Variants in TRIM71 observed in about 807,000 individuals in gnomAD.
TRIM71 encodes the protein E3 ubiquitin-protein ligase TRIM71.
Under a neutral mutation model 61.2 loss-of-function variants are expected in TRIM71, and 9 were observed. The ratio of observed to expected loss-of-function variants is 0.15; its 90% CI spans 0.09 to 0.26. TRIM71 has a LOEUF of 0.26. Among genes scored for constraint, TRIM71 ranks in the 10% least tolerant of loss-of-function variants. TRIM71 has a pLI of 1.00. For synonymous variants in TRIM71, 645 were observed against 553.2 expected, an observed-to-expected ratio of 1.17 and a Z score of -2.33; for missense variants, 998 against 1,238.7, an observed-to-expected ratio of 0.81 and a Z score of 2.92.
intron 1 of TRIM71, among the ~76,000 whole-genome samples, chr3:32,870,460 A>G (rs988102388): frequency 1.3e-5 from 2 of 152,016 alleles, no homozygotes; most frequent in Admixed American, 6.6e-5. Flanking sequence ...TTAGAACTGC[A>G]TCGATCCTGT....
intron 2 of TRIM71, among the ~76,000 whole-genome samples, chr3:32,877,530 A>AT (rs1437514035): frequency 2.0e-5 from 3 of 151,518 alleles, no homozygotes; most frequent in Non-Finnish European, 4.4e-5. Context: ...TAATTTTTGT[A>AT]TTTTTTGTAG....
rs775881479 is a variant in TRIM71, at chr3:32,818,345, C to T, written c.265C>T (p.Leu89=). The T allele has an allele frequency of 1.4e-6, 2 of 1,453,920 alleles. No homozygotes were observed. The highest frequency in any genetic ancestry group is 1.3e-5 in the South Asian group (1 of 76,606). 90.1% of individuals were successfully genotyped at this position (1,453,920 alleles called of 1,614,324 possible). The part of the protein sequence containing the change: ...GGGAAGEPLK[L]RCPVCDQKVV... ...CGGCGCGGCGGGAGAGCCGCTCAAG[C>T]TGCGCTGCCCCGTGTGCGACCAGAA... Residue 89 remains leucine (L), a synonymous_variant, in exon 1 of 4, where the codon CTG becomes TTG. Transcript: ENST00000383763.
rs564146049 is a variant in TRIM71 at position 32,844,113 on chromosome 3, G to A, written c.852+25181G>A. On this transcript the variant is annotated intron_variant, in intron 1 of 3. Transcript: ENST00000383763. ...CTTTCTCGCGTCGTCGTTATTTTGT[G>A]TGGTTGTGTAAATCAGCCCTTCCCT... 9.7e-4 allele frequency among the ~76,000 whole-genome samples: 148 copies of A among 152,252 alleles called. 2 individuals carry two copies. The South Asian group carries it at 0.011, about 11-fold the overall frequency.
intron 1 of TRIM71, among the ~76,000 whole-genome samples, chr3:32,866,374 T>A (rs7647852): frequency 0.017 from 2,647 of 151,966 alleles, 73 homozygotes; most frequent in African/African-American, 0.06. Context: ...GCCTCCCGAG[T>A]AGCTAGGATT....
At chr3:32,825,906 C>T (rs998590009) in intron 1 of TRIM71, among the ~76,000 whole-genome samples, 9 of 152,102 alleles carry the variant, frequency 5.9e-5, no homozygotes. Context: ...TGTCTATACT[C>T]ACAAACTGAG....
At chr3:32,873,625 T>G (rs1465691993) in intron 1 of TRIM71, among the ~76,000 whole-genome samples, 193 bp from the exon 2 acceptor site, 1 of 151,860 alleles carries the variant, frequency 6.6e-6, no homozygotes, top group Admixed American at 6.6e-5. Flanking sequence ...GCAGAGAGAG[T>G]GGGAGAAAAA....
intron 1 of TRIM71, among the ~76,000 whole-genome samples, chr3:32,843,775 A>G (rs1018730266): frequency 1.3e-5 from 2 of 151,170 alleles, no homozygotes; most frequent in African/African-American, 2.4e-5. Context: ...AGCTGAGGGA[A>G]CCTCCCTGAG....
chr3:32,839,668 G>T lies in TRIM71; in HGVS notation c.852+20736G>T, dbSNP rs550032635. Reference sequence around the variant, plus strand: ...TGATTATTGAGCTTTTTTTGGGGGGGGGGTGGGGGTGGGGTCCCTTATCGC... The same window carrying T: ...TGATTATTGAGCTTTTTTTGGGGGGTGGGTGGGGGTGGGGTCCCTTATCGC... On this transcript the variant is annotated intron_variant, in intron 1 of 3. Transcript: ENST00000383763. Among the ~76,000 whole-genome samples the T allele has an allele frequency of 5.5e-3, 750 of 135,174 alleles. 5 individuals are homozygous for T. The highest frequency in any genetic ancestry group is 0.019 in the African/African-American group (711 of 37,424). 88.7% of individuals were successfully genotyped at this position (135,174 alleles called of 152,430 possible). A position where few individuals can be genotyped will look rare whatever the true frequency, so the allele number is the denominator to read the frequency against.
At chr3:32,874,324 T>TTACTACTACTAC (rs34214588) in intron 2 of TRIM71, among the ~76,000 whole-genome samples, 5 of 121,568 alleles carry the variant, frequency 4.1e-5, no homozygotes, top group African/African-American at 1.2e-4. Context: ...TTAATGCTTA[T>TTACTACTACTAC]TACTACTACT....
intron 1 of TRIM71, among the ~76,000 whole-genome samples, chr3:32,838,742 T>C (rs1489831712): frequency 2.0e-5 from 3 of 152,126 alleles, no homozygotes; most frequent in African/African-American, 4.8e-5. Context: ...ATGTGACAGA[T>C]TGGTGGTTTC....
rs1461271978 is a variant in TRIM71, at chr3:32,890,260, T to G, written c.1156-100T>G. 4 of 1,455,240 alleles carry G rather than the reference T, an allele frequency of 2.7e-6. No individual in the cohort carries two copies. The highest frequency in any genetic ancestry group is 3.7e-6 in the Non-Finnish European group (4 of 1,080,352). The allele number at this position is 1,455,240 out of a possible 1,614,324, so 90.1% of individuals were successfully genotyped here. A position where few individuals can be genotyped will look rare whatever the true frequency, so the allele number is the denominator to read the frequency against. ...TTGTAGACCATCCCACAATATGTGT[T>G]TGTCTGATGCTTCCTTGTGATTAGT... On this transcript the variant is annotated intron_variant, in intron 3 of 3. Transcript: ENST00000383763. The surrounding 1 kb of genome is among the most constrained non-coding windows in gnomAD (Gnocchi z 6.2).
intron 1 of TRIM71, among the ~76,000 whole-genome samples, chr3:32,860,595 C>T (rs1696656432): frequency 6.6e-6 from 1 of 152,196 alleles, no homozygotes; most frequent in South Asian, 2.1e-4. Flanking sequence ...ATCACCATTG[C>T]TCTCTACAGT....
rs1316479281 is a variant in TRIM71 at position 32,891,934 on chromosome 3, T to C, written c.*123T>C. 3 of 1,390,238 alleles carry C rather than the reference T, an allele frequency of 2.2e-6. No individual in the cohort carries two copies. In the Admixed American group the frequency reaches 9.2e-5, roughly 43 times the overall value. The allele number at this position is 1,390,238 out of a possible 1,614,324, so 86.1% of individuals were successfully genotyped here. A position where few individuals can be genotyped will look rare whatever the true frequency, so the allele number is the denominator to read the frequency against. The stretch of plus-strand genomic sequence containing the variant: ...AACAGTCTCAGGGAAATTTCTTTTT[T>C]CTTTTTTTTTTTTAAAGAGAACAAG... On this transcript the variant is annotated 3_prime_UTR_variant, in exon 4 of 4. Coordinates refer to ENST00000383763, the MANE Select transcript of TRIM71 (RefSeq NM_001039111.3). This position sits in a 1 kb window ranked among gnomAD's most constrained non-coding sequence, Gnocchi z 8.2.
chr3:32,881,310 C>T (rs114932333), intron 2 of TRIM71, among the ~76,000 whole-genome samples: 3,540 of 152,234 alleles, frequency 0.023, 158 homozygotes, highest in African/African-American at 0.08. Context: ...TGAGCCACTG[C>T]GCCTGGCCAA....
intron 1 of TRIM71, among the ~76,000 whole-genome samples, chr3:32,836,791 A>G (rs569429007): frequency 8.5e-5 from 13 of 152,298 alleles, no homozygotes; most frequent in African/African-American, 2.9e-4. Flanking sequence ...CTGGCTTGCA[A>G]TCAGTTGAGT....
chr3:32,894,863 G>T lies in TRIM71; in HGVS notation c.*3052G>T, dbSNP rs1599773. The T allele has an allele frequency of 0.99, 151,252 of 152,298 alleles. 75,118 individuals carry two copies. Among genetic ancestry groups the T allele is most frequent in the Middle Eastern group, 1 (294 of 294 alleles). The allele number at this position is 152,298 out of a possible 1,614,324, so 9.4% of individuals were successfully genotyped here. On this transcript the variant is annotated 3_prime_UTR_variant, in exon 4 of 4. Coordinates refer to ENST00000383763, the MANE Select transcript of TRIM71 (RefSeq NM_001039111.3). ...AGGAGTTGGGTCAAAGAAGGGAGTC[G>T]TCATCCTGATGGAAAAAATAAGGTC...
Position 32,869,094 on chromosome 3 carries a change from G to C in TRIM71, c.853-4724G>C, listed in dbSNP as rs191397436. ...GCTTATCATTTTTAAAACGAATCTT[G>C]TGTTGTCCCACGTGAGAACCTGCAG... is the stretch of plus-strand genomic sequence containing the variant. On this transcript the variant is annotated intron_variant, in intron 1 of 3. Coordinates refer to ENST00000383763, the MANE Select transcript of TRIM71 (RefSeq NM_001039111.3). Among the ~76,000 whole-genome samples the C allele has an allele frequency of 7.0e-4, 107 of 152,236 alleles. No individual in the cohort carries two copies. In the East Asian group the frequency reaches 0.015, roughly 21 times the overall value.
At chr3:32,860,913 G>A (rs191747324) in intron 1 of TRIM71, among the ~76,000 whole-genome samples, 1 of 152,244 alleles carries the variant, frequency 6.6e-6, no homozygotes, top group Non-Finnish European at 1.5e-5. Flanking sequence ...GGTGGCTCAT[G>A]CCTGTAATCC....
At chr3:32,824,835 C>A (rs1345955209) in intron 1 of TRIM71, among the ~76,000 whole-genome samples, 1 of 151,988 alleles carries the variant, frequency 6.6e-6, no homozygotes, top group East Asian at 1.9e-4. Flanking sequence ...CGCTGTGTCA[C>A]CCAGGCTGGA....
Sources: gnomAD v4.1 joint callset for allele counts (sites outside exome capture counted in the v4.1 genomes callset) on GRCh38, gnomAD v4.1.1 for gene constraint, Gnocchi (gnomAD v3.1) non-coding constraint, MANE v1.5 for transcripts, NCBI Gene and HGNC (gene_info 2026-07-23, HGNC 2026-07-21) for gene names.